The following UBAP2 variants were observed in gnomAD, a reference collection of about 807,000 sequenced individuals.
UBAP2 encodes the protein ubiquitin associated protein 2.
UBAP2 carries 75 observed loss-of-function variants against 139.6 expected under a neutral mutation model. That is an observed-to-expected ratio of 0.54 (90% confidence interval 0.45 to 0.65). UBAP2 has a LOEUF of 0.65. Ranked by LOEUF, UBAP2 falls within the 30% of genes least tolerant of loss-of-function variation. The pLI is 0.00. For synonymous variants in UBAP2, 526 were observed against 526.2 expected (o/e 1.00, Z 0.01); for missense variants, 1,368 against 1,369.6 (o/e 1.00, Z 0.02).
intron 1 of UBAP2, among the ~76,000 whole-genome samples, chr9:34,040,115 C>T (rs562657178): frequency 2.0e-5 from 3 of 151,138 alleles, no homozygotes; most frequent in South Asian, 4.2e-4. Context: ...GCCAAGATCA[C>T]GCCATTGCAC....
intron 16 of UBAP2, among the ~76,000 whole-genome samples, chr9:33,938,122 G>A (rs995532872): frequency 1.1e-4 from 17 of 151,620 alleles, no homozygotes; most frequent in African/African-American, 4.1e-4. Context: ...TCAGCTTCCC[G>A]AGTAGCTGGG....
intron 1 of UBAP2, among the ~76,000 whole-genome samples, chr9:34,044,374 C>G (rs1157999949): frequency 6.6e-6 from 1 of 151,094 alleles, no homozygotes; most frequent in Non-Finnish European, 1.5e-5. Context: ...GCACTCCAGC[C>G]TGGGCAAGAG....
At chr9:33,955,929 C>T (rs547964378) in intron 11 of UBAP2, 150 bp downstream of exon 11, 69 of 574,800 alleles carry the variant, frequency 1.2e-4, no homozygotes, top group Non-Finnish European at 2.1e-4. Flanking sequence ...GAAGCTCTGT[C>T]AGATTTACCA....
Position 34,021,208 on chromosome 9 carries a change from T to A in UBAP2, c.-41-4019A>T, listed in dbSNP as rs145401841. Among the ~76,000 whole-genome samples, 231 of 152,316 alleles carry A rather than the reference T, an allele frequency of 1.5e-3. 1 individual carries two copies. Among genetic ancestry groups the A allele is most frequent in the African/African-American group, 5.3e-3 (220 of 41,584 alleles). On this transcript the variant is annotated intron_variant, in intron 1 of 28. Transcript: ENST00000379238. ...AGCCAGAAAAGGTCTGACAAGCATTTTTCTGTGTTAGCTGCACTAATATTA... is the reference window on the plus strand; with the variant it reads ...AGCCAGAAAAGGTCTGACAAGCATTATTCTGTGTTAGCTGCACTAATATTA...
At chr9:34,011,082 G>C (rs574021855) in intron 2 of UBAP2, among the ~76,000 whole-genome samples, 1 of 151,964 alleles carries the variant, frequency 6.6e-6, no homozygotes, top group African/African-American at 2.4e-5. Context: ...AAGAAACACC[G>C]ACCCGATTAA....
chr9:33,956,884 G>A (rs757432312), intron 10 of UBAP2, among the ~76,000 whole-genome samples: 5 of 151,940 alleles, frequency 3.3e-5, no homozygotes, highest in African/African-American at 7.3e-5. Context: ...CTGGGCAGCC[G>A]AGGCAGGAGG....
chr9:33,963,860 T>G, intron 8 of UBAP2, 69 bp from the exon 9 acceptor site: 3 of 1,165,778 alleles, frequency 2.6e-6, no homozygotes, highest in Non-Finnish European at 3.9e-6. Flanking sequence ...ACAGAGAAGA[T>G]GGTCACTGTC....
intron 1 of UBAP2, among the ~76,000 whole-genome samples, chr9:34,025,742 G>A (rs567071201): frequency 2.0e-5 from 3 of 152,290 alleles, no homozygotes; most frequent in Non-Finnish European, 2.9e-5. Flanking sequence ...TTTTGTTTCC[G>A]TTTTTGTTTT....
At chr9:34,044,820 C>T (rs527644155) in intron 1 of UBAP2, among the ~76,000 whole-genome samples, 56 of 151,434 alleles carry the variant, frequency 3.7e-4, no homozygotes, top group Non-Finnish European at 7.5e-4. Context: ...GGGCGAAGAT[C>T]GTACCACTGC....
intron 8 of UBAP2, among the ~76,000 whole-genome samples, chr9:33,967,297 C>T (rs902021447): frequency 1.3e-5 from 2 of 152,186 alleles, no homozygotes; most frequent in Non-Finnish European, 2.9e-5. Context: ...TCTCCCTTTC[C>T]AATCCTTATG....
At chr9:33,980,746 A>G (rs2131099801) in intron 6 of UBAP2, among the ~76,000 whole-genome samples, 1 of 151,948 alleles carries the variant, frequency 6.6e-6, no homozygotes, top group Admixed American at 6.6e-5. Flanking sequence ...GTTTGAGCTC[A>G]AGAGTTTGAG....
intron 8 of UBAP2, among the ~76,000 whole-genome samples, chr9:33,964,154 T>C (rs918747962): frequency 6.6e-6 from 1 of 152,268 alleles, no homozygotes; most frequent in Non-Finnish European, 1.5e-5. Flanking sequence ...AATTTGAGGG[T>C]CCCTCATATC....
At chr9:33,989,272 G>T in intron 4 of UBAP2, 146 bp from the exon 5 acceptor site, 1 of 904,944 alleles carries the variant, frequency 1.1e-6, no homozygotes, top group Non-Finnish European at 1.5e-6. Context: ...CGCCCTCTCA[G>T]CTCACTGCAA....
At chr9:34,023,547 T>C (rs183292117) in intron 1 of UBAP2, among the ~76,000 whole-genome samples, 47 of 152,314 alleles carry the variant, frequency 3.1e-4, no homozygotes. Flanking sequence ...CTTCCAATCA[T>C]CAATTCTTAA....
At chr9:34,036,982 ATTTTTTTTTTTT>A (rs141751803) in intron 1 of UBAP2, among the ~76,000 whole-genome samples, 1 of 57,434 alleles carries the variant, frequency 1.7e-5, no homozygotes, top group Non-Finnish European at 3.1e-5. Context: ...ACACCCAGCT[ATTTTTTTTTTTT>A]TTTTTTTTTT....
intron 12 of UBAP2, among the ~76,000 whole-genome samples, chr9:33,951,302 G>A (rs1826075028): frequency 6.9e-6 from 1 of 145,820 alleles, no homozygotes. Flanking sequence ...ACAGGGATGA[G>A]CCACCATGCC....
At chr9:34,023,180 C>T (rs1185655513) in intron 1 of UBAP2, among the ~76,000 whole-genome samples, 5 of 149,660 alleles carry the variant, frequency 3.3e-5, no homozygotes, top group South Asian at 2.1e-4. Context: ...GAGCTGAGAT[C>T]GCACCACTCC....
At position 34,017,161 on chromosome 9, in the gene UBAP2, C is replaced by A; in HGVS notation, c.-13G>T. 1 of 1,541,282 alleles carries A rather than the reference C, an allele frequency of 6.5e-7. No homozygotes were observed. ...CTGAAGTCATCATATACAGTATATA[C>A]AAAATAATGTATGTACAAAATAGAA... On this transcript the variant is annotated 5_prime_UTR_variant, in exon 2 of 29. Transcript: ENST00000379238.
intron 5 of UBAP2, 79 bp from the exon 6 acceptor site, chr9:33,986,916 GC>G: frequency 8.0e-7 from 1 of 1,242,344 alleles, no homozygotes; most frequent in Non-Finnish European, 1.2e-6. Context: ...CCTATTAAAG[GC>G]AAAGAAGGAA....
Sources: allele counts gnomAD v4.1 joint callset (sites outside exome capture counted in the v4.1 genomes callset), GRCh38; gene constraint gnomAD v4.1.1; transcripts MANE v1.5; gene names NCBI Gene and HGNC (gene_info 2026-07-23, HGNC 2026-07-21).